The following TFDP1 variants were observed in gnomAD, a reference collection of about 807,000 sequenced individuals.
TFDP1 encodes DRTF1-polypeptide 1.
Under a neutral mutation model 48.0 loss-of-function variants are expected in TFDP1, and 6 were observed. That is an observed-to-expected ratio of 0.13 (90% CI 0.07 to 0.25). The LOEUF (loss-of-function observed/expected upper bound fraction) is 0.25, where lower values mean the gene tolerates loss of function less well. Ranked by LOEUF, TFDP1 falls within the 10% of genes least tolerant of loss-of-function variation. The pLI, the probability that TFDP1 is intolerant of heterozygous loss-of-function variation, is 1.00. For synonymous variants in TFDP1, 201 were observed against 211.6 expected, an observed-to-expected ratio of 0.95 and a Z score of 0.44; for missense variants, 335 against 543.0, an observed-to-expected ratio of 0.62 and a Z score of 3.81.
Position 113,636,562 on chromosome 13 carries a change from A to G in TFDP1, c.868A>G (p.Thr290Ala), listed in dbSNP as rs770942320. ...KFEYLFNFDN[T>A]FEIHDDIEVL... ...TGAGTATCTGTTTAATTTTGACAAC[A>G]CATTTGAAATCCACGATGACATAGA... Residue 290 changes from threonine (T) to alanine (A), a missense_variant, in exon 10 of 12, where the codon ACA becomes GCA. Transcript: ENST00000375370. 1.7e-5 allele frequency: 27 copies of G among 1,614,002 alleles called. No homozygotes were observed. In the Admixed American group the frequency reaches 4.2e-4, roughly 25 times the overall value.
intron 2 of TFDP1, among the ~76,000 whole-genome samples, chr13:113,602,259 C>G (rs774367175): frequency 7.8e-5 from 11 of 140,888 alleles, no homozygotes; most frequent in Non-Finnish European, 1.4e-4. Flanking sequence ...GAGGAGTGGA[C>G]TGAGTTACCT....
intron 2 of TFDP1, among the ~76,000 whole-genome samples, chr13:113,610,411 CCCA>C (rs2048680733): frequency 6.6e-6 from 1 of 151,998 alleles, no homozygotes; most frequent in Non-Finnish European, 1.5e-5. Flanking sequence ...CATACGTGCC[CCCA>C]CTTTGTGGCT....
intron 2 of TFDP1, among the ~76,000 whole-genome samples, chr13:113,589,658 G>A (rs1420743194): frequency 6.6e-6 from 1 of 152,244 alleles, no homozygotes; most frequent in Non-Finnish European, 1.5e-5. Flanking sequence ...TGCAGGTACC[G>A]GTGGTGCTCG....
intron 4 of TFDP1, among the ~76,000 whole-genome samples, chr13:113,626,017 G>T (rs950313232): frequency 6.9e-6 from 1 of 144,986 alleles, no homozygotes; most frequent in African/African-American, 2.6e-5. Flanking sequence ...TGTCTCTCAC[G>T]TGTCCTCAGG....
rs553423421 is a variant in TFDP1, at chr13:113,621,504, T to C, written c.80-1676T>C. Among the ~76,000 whole-genome samples the C allele has an allele frequency of 1.1e-4, 16 of 152,330 alleles. No individual in the cohort carries two copies. In the South Asian group the frequency reaches 3.1e-3, roughly 30 times the overall value. ...ATTATATATGAATATCATTAATCAT[T>C]AGTTTGTAGCAATTACTCTTTATTC... On this transcript the variant is annotated intron_variant, in intron 3 of 11. Coordinates refer to ENST00000375370, the MANE Select transcript of TFDP1 (RefSeq NM_007111.5).
At chr13:113,610,953 C>A in intron 2 of TFDP1, 43 bp from the exon 3 acceptor site, 2 of 1,598,230 alleles carry the variant, frequency 1.3e-6, no homozygotes, top group Non-Finnish European at 1.7e-6. Flanking sequence ...TTTCGTAGCC[C>A]TTTTAGCTGT....
intron 2 of TFDP1, among the ~76,000 whole-genome samples, chr13:113,608,758 T>G (rs2048632884): frequency 6.6e-6 from 1 of 152,260 alleles, no homozygotes; most frequent in African/African-American, 2.4e-5. Context: ...TCACCTGACC[T>G]TAACCTACTT....
At chr13:113,635,790 C>T (rs780859706) in intron 8 of TFDP1, among the ~76,000 whole-genome samples, 187 bp from the exon 9 acceptor site, 15 of 152,162 alleles carry the variant, frequency 9.9e-5, no homozygotes, top group Admixed American at 3.3e-4. Context: ...CTCAGGATCC[C>T]GTTTCCTGAG....
In TFDP1 at chr13:113,607,713, G is replaced by T. The variant is rs1594451312; in HGVS notation, c.13-3283G>T. Among the ~76,000 whole-genome samples the T allele has an allele frequency of 6.6e-6, 1 of 152,176 alleles. No individual in the cohort carries two copies. The highest frequency in any genetic ancestry group is 2.4e-5 in the African/African-American group (1 of 41,442). Reference sequence around the variant, plus strand: ...CCGTTAACTCCCTGGGCAGCTGCTGGGGAGGAAGAAGCACTGCCCGCAAGG... The same window carrying T: ...CCGTTAACTCCCTGGGCAGCTGCTGTGGAGGAAGAAGCACTGCCCGCAAGG... On this transcript the variant is annotated intron_variant, in intron 2 of 11. Coordinates refer to ENST00000375370, the MANE Select transcript of TFDP1 (RefSeq NM_007111.5). The surrounding 1 kb of genome is among the most constrained non-coding windows in gnomAD (Gnocchi z 5.2).
At chr13:113,637,487 A>C in intron 10 of TFDP1, 1 of 923,786 alleles carries the variant, frequency 1.1e-6, no homozygotes. Flanking sequence ...GGCTGTGGGA[A>C]GAGGGTTTCA....
chr13:113,591,955 G>A (rs533296248), intron 2 of TFDP1, among the ~76,000 whole-genome samples: 2 of 152,280 alleles, frequency 1.3e-5, no homozygotes, highest in Admixed American at 6.5e-5. Context: ...AAAAGCATCC[G>A]CCCTTTGTAC....
chr13:113,602,666 C>G (rs571792868), intron 2 of TFDP1, among the ~76,000 whole-genome samples: 1 of 152,280 alleles, frequency 6.6e-6, no homozygotes, highest in South Asian at 2.1e-4. Context: ...ATGGCTGTTG[C>G]GTAGGCAGAG....
At chr13:113,604,160 C>CA (rs5806996) in intron 2 of TFDP1, among the ~76,000 whole-genome samples, 51,839 of 104,206 alleles carry the variant, frequency 0.5, 11,860 homozygotes, top group African/African-American at 0.63. Flanking sequence ...CAGCCTGTCT[C>CA]AAAAAAAAAA....
chr13:113,634,178 C>A (rs758333109), intron 7 of TFDP1, 145 bp downstream of exon 7: 13 of 1,163,208 alleles, frequency 1.1e-5, no homozygotes, highest in Non-Finnish European at 1.6e-5. Flanking sequence ...CGTCTCCCTG[C>A]GTTTCTCAGT....
intron 2 of TFDP1, among the ~76,000 whole-genome samples, chr13:113,588,860 A>G (rs958182851): frequency 6.7e-6 from 1 of 148,214 alleles, no homozygotes; most frequent in Admixed American, 6.7e-5. Context: ...GGACTGGGGG[A>G]GAGAGAGTGG....
At chr13:113,610,356 G>A (rs980895098) in intron 2 of TFDP1, among the ~76,000 whole-genome samples, 1 of 151,778 alleles carries the variant, frequency 6.6e-6, no homozygotes, top group African/African-American at 2.4e-5. Flanking sequence ...CCCCCACCGT[G>A]TGCTGTACCA....
chr13:113,601,362 C>T (rs1359713419), intron 2 of TFDP1, among the ~76,000 whole-genome samples: 2 of 152,262 alleles, frequency 1.3e-5, no homozygotes, highest in Non-Finnish European at 2.9e-5. Flanking sequence ...GGATCCCGCT[C>T]CTTGTGGGCT....
At position 113,634,588 on chromosome 13, in the gene TFDP1, G is replaced by T; in HGVS notation, c.673G>T (p.Glu225Ter). 1 of 1,612,586 alleles carries T rather than the reference G, an allele frequency of 6.2e-7. No individual in the cohort carries two copies. Among genetic ancestry groups the T allele is most frequent in the South Asian group, 1.1e-5 (1 of 90,594 alleles). ...AAAACAGAAACAGTCTCAACTTCAA[G>T]AACTTATTCTACAGGTAAGAGAATA... ...RIKQKQSQLQ[E>*]LILQQIAFKN... The change falls in exon 8 of 12, where the codon GAA becomes TAA. Residue 225 changes from glutamate to a stop codon, truncating the protein, a stop_gained. Transcript: ENST00000375370. LOFTEE classifies it high-confidence loss of function.
At chr13:113,593,250 C>G (rs2048192570) in intron 2 of TFDP1, among the ~76,000 whole-genome samples, 1 of 141,076 alleles carries the variant, frequency 7.1e-6, no homozygotes, top group Non-Finnish European at 1.5e-5. Context: ...GCGTCCTCAG[C>G]TATACACAGG....
Sources: gnomAD v4.1 joint callset for allele counts (sites outside exome capture counted in the v4.1 genomes callset) on GRCh38, gnomAD v4.1.1 for gene constraint, Gnocchi (gnomAD v3.1) non-coding constraint, MANE v1.5 for transcripts, NCBI Gene and HGNC (gene_info 2026-07-23, HGNC 2026-07-21) for gene names.